USP5: variants seen among roughly 807,000 people sequenced by gnomAD.
USP5 encodes the protein ubiquitin carboxyl-terminal hydrolase 5.
A neutral mutation model predicts 102.5 loss-of-function variants in USP5; 24 were observed. That is an observed-to-expected ratio of 0.23 (90% CI 0.17 to 0.33). The LOEUF (loss-of-function observed/expected upper bound fraction) is 0.33, where lower values mean the gene tolerates loss of function less well. USP5 is among the 10% of genes least tolerant of loss of function. The probability of loss-of-function intolerance (pLI) is 1.00; values close to 1 mark genes in which losing one functional copy is unlikely to be tolerated. For missense variants in USP5, 753 were observed against 1,122.1 expected (o/e 0.67, Z 4.70); for synonymous variants, 460 against 434.8 (o/e 1.06, Z -0.72).
rs1555129434 is a variant in USP5 at position 6,861,058 on chromosome 12, G to A, written c.1450G>A (p.Asp484Asn). The A allele has an allele frequency of 6.2e-7, 1 of 1,614,198 alleles. No individual in the cohort carries two copies. Among genetic ancestry groups the A allele is most frequent in the Non-Finnish European group, 8.5e-7 (1 of 1,180,036 alleles). Residue 484 changes from aspartate to asparagine, a missense_variant, in exon 12 of 20, where the codon GAC becomes AAC. Transcript: ENST00000229268. This position sits in a 1 kb window ranked among gnomAD's most constrained non-coding sequence, Gnocchi z 4.9. ...GAAGGTGAAGTACACCCAGCGAGTT[G>A]ACTACATCATGCAGCTGCCTGTGCC... ...TEKVKYTQRV[D>N]YIMQLPVPMD...
In USP5 at chr12:6,866,366, C is replaced by T. The variant is rs782262313; in HGVS notation, c.*289C>T. The T allele has an allele frequency of 2.0e-5, 8 of 401,858 alleles. No individual in the cohort carries two copies. The highest frequency in any genetic ancestry group is 3.7e-5 in the Non-Finnish European group (8 of 215,720). 24.9% of individuals were successfully genotyped at this position (401,858 alleles called of 1,614,324 possible). A position where few individuals can be genotyped will look rare whatever the true frequency, so the allele number is the denominator to read the frequency against. ...TCCACAGTGCTCTGCTTCTCTGTGTCGCCCCGCCCAGCCCCCTGGTGTGGA... is the reference window on the plus strand; with the variant it reads ...TCCACAGTGCTCTGCTTCTCTGTGTTGCCCCGCCCAGCCCCCTGGTGTGGA... On this transcript the variant is annotated 3_prime_UTR_variant, in exon 20 of 20. Coordinates refer to ENST00000229268, the MANE Select transcript of USP5 (RefSeq NM_001098536.2). The surrounding 1 kb of genome is among the most constrained non-coding windows in gnomAD (Gnocchi z 4.7).
intron 19 of USP5, among the ~76,000 whole-genome samples, chr12:6,865,450 A>G (rs782716208): frequency 8.5e-5 from 13 of 152,080 alleles, no homozygotes; most frequent in Admixed American, 3.3e-4. Context: ...TTAAATAGAG[A>G]TGGGATCTCA....
chr12:6,864,257 G>C lies in USP5; in HGVS notation c.2244+62G>C. ...GGGAAGAAGGGGGTGGGAATGAGGGGCCATCCTTCTTGAGCAAGACCAAAG... is the reference window on the plus strand; with the variant it reads ...GGGAAGAAGGGGGTGGGAATGAGGGCCCATCCTTCTTGAGCAAGACCAAAG... On this transcript the variant is annotated intron_variant, in intron 17 of 19. Coordinates refer to ENST00000229268, the MANE Select transcript of USP5 (RefSeq NM_001098536.2). The surrounding 1 kb of genome is among the most constrained non-coding windows in gnomAD (Gnocchi z 4.8). 4 of 1,517,350 alleles carry C rather than the reference G, an allele frequency of 2.6e-6. No individual in the cohort carries two copies. The highest frequency in any genetic ancestry group is 3.5e-6 in the Non-Finnish European group (4 of 1,134,646). 94.0% of individuals were successfully genotyped at this position (1,517,350 alleles called of 1,614,324 possible).
In USP5 at chr12:6,864,668, G is replaced by A. The variant is rs782055658; in HGVS notation, c.2245-54G>A. The A allele has an allele frequency of 2.8e-5, 43 of 1,561,376 alleles. No individual in the cohort carries two copies. In the East Asian group the frequency reaches 3.4e-4, roughly 12 times the overall value. On this transcript the variant is annotated intron_variant, in intron 17 of 19. Transcript: ENST00000229268. This position sits in a 1 kb window ranked among gnomAD's most constrained non-coding sequence, Gnocchi z 4.8. ...CGCGCCACTGCACTCCAGCCTGGGCGACAGAGCAAGACTCCGTCTCAAGAA... is the reference window on the plus strand; with the variant it reads ...CGCGCCACTGCACTCCAGCCTGGGCAACAGAGCAAGACTCCGTCTCAAGAA...
chr12:6,852,876 C>T (rs1368119800), intron 1 of USP5, among the ~76,000 whole-genome samples: 1 of 152,198 alleles, frequency 6.6e-6, no homozygotes, highest in Non-Finnish European at 1.5e-5. Context: ...CTAGTCGTTT[C>T]TCCTTTGAAG....
chr12:6,857,740 C>T lies in USP5; in HGVS notation c.864+17C>T. On this transcript the variant is annotated intron_variant, in intron 7 of 19. Coordinates refer to ENST00000229268, the MANE Select transcript of USP5 (RefSeq NM_001098536.2). ...ATGCAGAAGGTGAGACCCCCTTCAACTTCAGATTCTTCTACTTCCTGCCCC... is the reference window on the plus strand; with the variant it reads ...ATGCAGAAGGTGAGACCCCCTTCAATTTCAGATTCTTCTACTTCCTGCCCC... The T allele has an allele frequency of 1.9e-6, 3 of 1,613,442 alleles. No individual in the cohort carries two copies. Among genetic ancestry groups the T allele is most frequent in the Middle Eastern group, 1.7e-4 (1 of 6,056 alleles).
In USP5 at chr12:6,863,384, G is replaced by T; in HGVS notation, c.1954+7G>T. The T allele has an allele frequency of 6.2e-7, 1 of 1,612,160 alleles. No homozygotes were observed. Among genetic ancestry groups the T allele is most frequent in the Admixed American group, 1.7e-5 (1 of 59,892 alleles). The stretch of plus-strand genomic sequence containing the variant: ...CACTTCTCCTCTCCGACATGTTAGT[G>T]ACTCTTCTTCCTGCCTGTCTCTCTC... On this transcript the variant is annotated splice_region_variant and intron_variant, in intron 15 of 19. Coordinates refer to ENST00000229268, the MANE Select transcript of USP5 (RefSeq NM_001098536.2). The surrounding 1 kb of genome is among the most constrained non-coding windows in gnomAD (Gnocchi z 4.7).
intron 6 of USP5, 113 bp downstream of exon 6, chr12:6,857,004 A>C (rs193025352): frequency 7.3e-7 from 1 of 1,371,444 alleles, no homozygotes; most frequent in African/African-American, 1.5e-5. Context: ...AAAGGAAAGT[A>C]GTCAGGTGCG....
intron 9 of USP5, among the ~76,000 whole-genome samples, 198 bp from the exon 10 acceptor site, chr12:6,859,953 C>T (rs186378241): frequency 7.7e-4 from 118 of 152,320 alleles, no homozygotes; most frequent in African/African-American, 2.6e-3. Context: ...CCGTGCACGG[C>T]CACCACTGGC....
chr12:6,865,138 C>A, intron 18 of USP5, 26 bp from the exon 19 acceptor site: 1 of 1,586,988 alleles, frequency 6.3e-7, no homozygotes, highest in Non-Finnish European at 8.7e-7. Flanking sequence ...CTGTTTCCTT[C>A]TCTGACCCCC....
In USP5 at chr12:6,860,291, G is replaced by C; in HGVS notation, c.1218+53G>C. 1 of 1,612,478 alleles carries C rather than the reference G, an allele frequency of 6.2e-7. No individual in the cohort carries two copies. Among genetic ancestry groups the C allele is most frequent in the Non-Finnish European group, 8.5e-7 (1 of 1,178,756 alleles). ...GCCCTGGGATTGTGGGGAAGCTGAG[G>C]TCTGGGAGATGTCTAAAGAAGGCCC... On this transcript the variant is annotated intron_variant, in intron 10 of 19. Transcript: ENST00000229268. The surrounding 1 kb of genome is among the most constrained non-coding windows in gnomAD (Gnocchi z 5.5).
In USP5 at chr12:6,864,410, C is replaced by A. The variant is rs1301821052; in HGVS notation, c.2244+215C>A. On this transcript the variant is annotated intron_variant, in intron 17 of 19. Transcript: ENST00000229268. This position sits in a 1 kb window ranked among gnomAD's most constrained non-coding sequence, Gnocchi z 4.8. ...TTAAAAATGTAATGCTTCTGTTTGG[C>A]CGGGCGCGGTGGCTCACGCCTGTAA... is the stretch of plus-strand genomic sequence containing the variant. Among the ~76,000 whole-genome samples, 3 of 152,220 alleles carry A rather than the reference C, an allele frequency of 2.0e-5. No individual in the cohort carries two copies. The highest frequency in any genetic ancestry group is 7.2e-5 in the African/African-American group (3 of 41,452).
chr12:6,856,590 C>T lies in USP5; in HGVS notation c.585-117C>T. On this transcript the variant is annotated intron_variant, in intron 5 of 19. Coordinates refer to ENST00000229268, the MANE Select transcript of USP5 (RefSeq NM_001098536.2). This position sits in a 1 kb window ranked among gnomAD's most constrained non-coding sequence, Gnocchi z 5.6. ...GGAAATGAACACGACATGGGGATGG[C>T]CAGAGGAGAAGAGAGAGAGACCTTG... The T allele has an allele frequency of 2.0e-6, 3 of 1,529,672 alleles. No homozygotes were observed. The highest frequency in any genetic ancestry group is 2.6e-6 in the Non-Finnish European group (3 of 1,140,800). The allele number at this position is 1,529,672 out of a possible 1,614,324, so 94.8% of individuals were successfully genotyped here.
Position 6,864,979 on chromosome 12 carries a change from T to G in USP5, c.2398+104T>G. Reference sequence around the variant, plus strand: ...CTGCCCTCCTCAGGAGTCAGGGGCTTCTTTCCACCTCAACGTGGCATCTGA... The same window carrying G: ...CTGCCCTCCTCAGGAGTCAGGGGCTGCTTTCCACCTCAACGTGGCATCTGA... On this transcript the variant is annotated intron_variant, in intron 18 of 19. Transcript: ENST00000229268. The surrounding 1 kb of genome is among the most constrained non-coding windows in gnomAD (Gnocchi z 4.8). 1 of 1,475,466 alleles carries G rather than the reference T, an allele frequency of 6.8e-7. No individual in the cohort carries two copies. Among genetic ancestry groups the G allele is most frequent in the East Asian group, 2.3e-5 (1 of 42,788 alleles). 91.4% of individuals were successfully genotyped at this position (1,475,466 alleles called of 1,614,324 possible).
chr12:6,857,019 C>T (rs1287396788), intron 6 of USP5, 128 bp downstream of exon 6: 29 of 1,266,000 alleles, frequency 2.3e-5, no homozygotes, highest in Non-Finnish European at 1.9e-5. Context: ...GGTGCGGTGG[C>T]TCATGTTTGC....
Position 6,855,669 on chromosome 12 carries a change from G to A in USP5, c.238-86G>A. On this transcript the variant is annotated intron_variant, in intron 2 of 19. Coordinates refer to ENST00000229268, the MANE Select transcript of USP5 (RefSeq NM_001098536.2). This position sits in a 1 kb window ranked among gnomAD's most constrained non-coding sequence, Gnocchi z 4.6. ...TTTTAGCTTTATTCCGTTCTGAGAT[G>A]AAGCACTACCTCCTTCCGTCCCTCC... 6.3e-7 allele frequency: 1 copy of A among 1,596,800 alleles called. No homozygotes were observed. Among genetic ancestry groups the A allele is most frequent in the Admixed American group, 1.7e-5 (1 of 58,660 alleles).
Position 6,852,187 on chromosome 12 carries a change from A to G in USP5, c.8A>G (p.Glu3Gly). The G allele has an allele frequency of 6.2e-7, 1 of 1,610,960 alleles. No homozygotes were observed. The highest frequency in any genetic ancestry group is 8.5e-7 in the Non-Finnish European group (1 of 1,178,940). Residue 3 changes from glutamate (E) to glycine (G), a missense_variant, in exon 1 of 20, where the codon GAG (glutamate) becomes GGG (glycine). Transcript: ENST00000229268. The part of the protein sequence containing the change: MA[E>G]LSEEALLSVL... ...GAAGCTGCTGCCGGTGTCATGGCGGAGCTGAGTGAGGAGGCGCTGCTGTCA... is the reference window on the plus strand; with the variant it reads ...GAAGCTGCTGCCGGTGTCATGGCGGGGCTGAGTGAGGAGGCGCTGCTGTCA...
In USP5 at chr12:6,864,808, C is replaced by T. The variant is rs1591611912; in HGVS notation, c.2331C>T (p.Gly777=). The T allele has an allele frequency of 6.2e-7, 1 of 1,613,940 alleles. No individual in the cohort carries two copies. The part of the protein sequence containing the change: ...DAEAAMDISE[G]RSAADSISES... ...AAGCTGCCATGGACATCTCAGAGGG[C>T]CGCTCAGCTGCCGACTCCATCTCTG... The change falls in exon 18 of 20, where the codon GGC becomes GGT. Residue 777 remains glycine, a synonymous_variant. Coordinates refer to ENST00000229268, the MANE Select transcript of USP5 (RefSeq NM_001098536.2). The surrounding 1 kb of genome is among the most constrained non-coding windows in gnomAD (Gnocchi z 4.8).
At position 6,858,721 on chromosome 12, in the gene USP5, TAG is replaced by T. The variant is rs781884249; in HGVS notation, c.1058+107_1058+108del. ...GCACCTCTGTGTTTGATTCTAGTCT[TAG>T]AGTAGTTCCTATCGGCTGGGTGTGT... is the stretch of plus-strand genomic sequence containing the variant. On this transcript the variant is annotated intron_variant, in intron 8 of 19. Transcript: ENST00000229268. The surrounding 1 kb of genome is among the most constrained non-coding windows in gnomAD (Gnocchi z 4.2). 45 of 1,119,290 alleles carry T rather than the reference TAG, an allele frequency of 4.0e-5. No homozygotes were observed. Among genetic ancestry groups the T allele is most frequent in the Non-Finnish European group, 5.5e-5 (43 of 787,386 alleles). 69.3% of individuals were successfully genotyped at this position (1,119,290 alleles called of 1,614,324 possible).
Sources: allele counts gnomAD v4.1 joint callset (sites outside exome capture counted in the v4.1 genomes callset), GRCh38; gene constraint gnomAD v4.1.1; non-coding constraint Gnocchi (gnomAD v3.1); transcripts MANE v1.5; gene names NCBI Gene and HGNC (gene_info 2026-07-23, HGNC 2026-07-21).